Variants in HDAC9 observed in about 807,000 individuals in gnomAD.
HDAC9 encodes MEF-2 interacting transcription repressor (MITR) protein.
Under a neutral mutation model 139.4 loss-of-function variants are expected in HDAC9, and 41 were observed. That is an observed-to-expected ratio of 0.29 (90% CI 0.23 to 0.38). HDAC9 has a LOEUF of 0.38. Among genes scored for constraint, HDAC9 ranks in the 10% least tolerant of loss-of-function variants. The probability of loss-of-function intolerance (pLI) is 1.00; values close to 1 mark genes in which losing one functional copy is unlikely to be tolerated. For synonymous variants in HDAC9, 517 were observed against 476.2 expected, an observed-to-expected ratio of 1.09 and a Z score of -1.12; for missense variants, 1,147 against 1,297.0, an observed-to-expected ratio of 0.88 and a Z score of 1.78.
intron 1 of HDAC9, among the ~76,000 whole-genome samples, chr7:18,418,251 G>T (rs1157604762): frequency 6.6e-6 from 1 of 152,144 alleles, no homozygotes; most frequent in Non-Finnish European, 1.5e-5. Context: ...ACTTCATGCA[G>T]AGTTGAAGTG....
intron 16 of HDAC9, among the ~76,000 whole-genome samples, chr7:18,772,614 A>G (rs1302761395): frequency 6.6e-6 from 1 of 152,160 alleles, no homozygotes; most frequent in East Asian, 1.9e-4. Context: ...GAGGTATCAC[A>G]AACTTTTTCC....
intron 2 of HDAC9, among the ~76,000 whole-genome samples, chr7:18,524,423 G>A (rs1224375066): frequency 2.0e-5 from 3 of 152,048 alleles, no homozygotes; most frequent in Non-Finnish European, 4.4e-5. Context: ...TTGTGATGAG[G>A]CCTGCAGTCA....
intron 22 of HDAC9, among the ~76,000 whole-genome samples, chr7:18,928,897 T>C (rs1804475219): frequency 6.6e-6 from 1 of 152,022 alleles, no homozygotes; most frequent in South Asian, 2.1e-4. Context: ...TTTATTATTA[T>C]ACTATTTATT....
At chr7:18,535,027 C>G (rs564617683) in intron 2 of HDAC9, among the ~76,000 whole-genome samples, 1 of 152,288 alleles carries the variant, frequency 6.6e-6, no homozygotes, top group African/African-American at 2.4e-5. Flanking sequence ...TAGGGATTCT[C>G]TGGCATGAGG....
At chr7:18,545,445 G>A (rs1167436732) in intron 2 of HDAC9, among the ~76,000 whole-genome samples, 1 of 152,024 alleles carries the variant, frequency 6.6e-6, no homozygotes, top group Non-Finnish European at 1.5e-5. Flanking sequence ...GAGTTTTTAG[G>A]ACGTAAATAG....
chr7:18,667,177 T>A (rs1381406251), intron 12 of HDAC9: 3 of 985,342 alleles, frequency 3.0e-6, no homozygotes, highest in Non-Finnish European at 3.6e-6. Context: ...ACTGCTCATT[T>A]TACTTTTATT....
chr7:18,300,271 C>T lies in HDAC9; in HGVS notation c.-42+9756C>T, dbSNP rs1164540585. Among the ~76,000 whole-genome samples, 7 of 151,810 alleles carry T rather than the reference C, an allele frequency of 4.6e-5. No individual in the cohort carries two copies. In the East Asian group the frequency reaches 1.2e-3, roughly 25 times the overall value. On this transcript the variant is annotated intron_variant, in intron 1 of 3. Transcript: ENST00000413509. ...GTGGCCCAAGACAGTTCTTCCAGTCCGTGGCCCAGAGAAGCCAAAAGATTG... is the reference window on the plus strand; with the variant it reads ...GTGGCCCAAGACAGTTCTTCCAGTCTGTGGCCCAGAGAAGCCAAAAGATTG...
intron 2 of HDAC9, among the ~76,000 whole-genome samples, chr7:18,539,439 C>T (rs978661573): frequency 2.0e-5 from 3 of 152,054 alleles, no homozygotes; most frequent in African/African-American, 7.2e-5. Context: ...AACCTGGGAC[C>T]CTGGATTAGA....
At chr7:18,376,435 T>G (rs1585466227) in intron 1 of HDAC9, among the ~76,000 whole-genome samples, 1 of 152,370 alleles carries the variant, frequency 6.6e-6, no homozygotes, top group African/African-American at 2.4e-5. Flanking sequence ...ATGCTTCATA[T>G]GCAGAATGCT....
chr7:18,562,839 C>T (rs976044804), intron 2 of HDAC9, among the ~76,000 whole-genome samples: 3 of 152,020 alleles, frequency 2.0e-5, no homozygotes, highest in African/African-American at 7.2e-5. Context: ...GAATTTGGGT[C>T]ATATTGCTAT....
chr7:18,875,953 C>T (rs10237177), intron 22 of HDAC9, among the ~76,000 whole-genome samples: 1 of 152,082 alleles, frequency 6.6e-6, no homozygotes, highest in African/African-American at 2.4e-5. Context: ...TTGTTCCTTG[C>T]CATTAAATCC....
intron 2 of HDAC9, among the ~76,000 whole-genome samples, chr7:18,234,731 G>C (rs2128185993): frequency 6.6e-6 from 1 of 152,326 alleles, no homozygotes; most frequent in East Asian, 1.9e-4. Flanking sequence ...GGTTCACAGA[G>C]ACAGCTGGGA....
At chr7:18,332,809 G>A (rs1172131433) in intron 1 of HDAC9, among the ~76,000 whole-genome samples, 1 of 151,520 alleles carries the variant, frequency 6.6e-6, no homozygotes, top group Admixed American at 6.6e-5. Flanking sequence ...TAATAGTTTT[G>A]TTAGGGGCTG....
chr7:18,481,192 A>C (rs1795521062), intron 1 of HDAC9, among the ~76,000 whole-genome samples: 1 of 152,180 alleles, frequency 6.6e-6, no homozygotes, highest in African/African-American at 2.4e-5. Flanking sequence ...CAGTAATAAT[A>C]ATAATATTAT....
At chr7:18,346,025 A>G (rs545156583) in intron 1 of HDAC9, among the ~76,000 whole-genome samples, 2 of 152,202 alleles carry the variant, frequency 1.3e-5, no homozygotes, top group East Asian at 3.9e-4. Flanking sequence ...AATTTTTTCT[A>G]GAGAGACTAA....
rs767995866 is a variant in HDAC9, at chr7:18,727,630, G to T, written c.1782G>T (p.Pro594=). ...GTGCGCTCTCTGTGCGCCAAGCTCC[G>T]CTGGCTGCGGTTGGCATGGATGGAT... is the stretch of plus-strand genomic sequence containing the variant. ...HTRALSVRQA[P]LAAVGMDGLE... is the part of the protein sequence containing the mutation. The change falls in exon 13 of 26, where the codon CCG becomes CCT. Residue 594 remains proline (P), a synonymous_variant. Coordinates refer to ENST00000686413, the MANE Select transcript of HDAC9 (RefSeq NM_178425.4). 1.3e-6 allele frequency: 2 copies of T among 1,587,192 alleles called. No individual in the cohort carries two copies. Among genetic ancestry groups the T allele is most frequent in the East Asian group, 2.3e-5 (1 of 43,400 alleles).
chr7:18,756,661 T>C (rs1226846552), intron 14 of HDAC9, among the ~76,000 whole-genome samples: 1 of 152,226 alleles, frequency 6.6e-6, no homozygotes, highest in African/African-American at 2.4e-5. Context: ...CATAATTTAG[T>C]CAAACATCTT....
chr7:18,586,925 A>G (rs1000146519), intron 3 of HDAC9, among the ~76,000 whole-genome samples: 13 of 152,132 alleles, frequency 8.5e-5, no homozygotes, highest in Admixed American at 5.9e-4. Flanking sequence ...CTTTGAAACA[A>G]TAATAGAAAC....
intron 1 of HDAC9, among the ~76,000 whole-genome samples, chr7:18,353,954 C>A (rs1783056098): frequency 6.6e-6 from 1 of 152,164 alleles, no homozygotes; most frequent in African/African-American, 2.4e-5. Flanking sequence ...ACCTGTTTCA[C>A]CTTCTTTTAT....
Sources: gnomAD v4.1 joint callset for allele counts (sites outside exome capture counted in the v4.1 genomes callset) on GRCh38, gnomAD v4.1.1 for gene constraint, MANE v1.5 for transcripts, NCBI Gene and HGNC (gene_info 2026-07-23, HGNC 2026-07-21) for gene names.